The following EVI5 variants were observed in gnomAD, a reference collection of about 807,000 sequenced individuals.
The protein encoded by EVI5 is ecotropic viral integration site 5 protein homolog.
A neutral mutation model predicts 112.0 loss-of-function variants in EVI5; 73 were observed. That is an observed-to-expected ratio of 0.65 (90% CI 0.54 to 0.79). The LOEUF is 0.79. Ranked by LOEUF, EVI5 falls within the 30% of genes least tolerant of loss-of-function variation. The probability of loss-of-function intolerance (pLI) is 0.00; values close to 1 mark genes in which losing one functional copy is unlikely to be tolerated. For missense variants in EVI5, 900 were observed against 968.8 expected, an observed-to-expected ratio of 0.93 and a Z score of 0.94; for synonymous variants, 305 against 319.9, an observed-to-expected ratio of 0.95 and a Z score of 0.50.
At chr1:92,718,384 G>A (rs1674135124) in intron 2 of EVI5, among the ~76,000 whole-genome samples, 1 of 152,170 alleles carries the variant, frequency 6.6e-6, no homozygotes, top group South Asian at 2.1e-4. Flanking sequence ...TCAGGATTCA[G>A]AAACTCACTC....
intron 1 of EVI5, among the ~76,000 whole-genome samples, chr1:92,761,925 C>A (rs1681937021): frequency 6.6e-6 from 1 of 151,994 alleles, no homozygotes; most frequent in Non-Finnish European, 1.5e-5. Context: ...CAATGTCTTG[C>A]ATATTATAAG....
chr1:92,716,021 T>A (rs1248943630), intron 2 of EVI5, among the ~76,000 whole-genome samples: 2 of 152,130 alleles, frequency 1.3e-5, no homozygotes, highest in African/African-American at 2.4e-5. Flanking sequence ...AAACTCCACC[T>A]CTGGGGGGCA....
rs998502539 is a variant in EVI5, at chr1:92,509,242, T to C, written c.*4414A>G. The C allele has an allele frequency of 2.0e-5, 3 of 152,584 alleles. No homozygotes were observed. Among genetic ancestry groups the C allele is most frequent in the African/African-American group, 4.8e-5 (2 of 41,432 alleles). The allele number at this position is 152,584 out of a possible 1,614,324, so 9.5% of individuals were successfully genotyped here. On this transcript the variant is annotated 3_prime_UTR_variant, in exon 20 of 20. Coordinates refer to ENST00000684568, the MANE Select transcript of EVI5 (RefSeq NM_001350197.2). ...ATTTCTTACGATGTCAGAAATAATATACTTAAAAAGGTGTAGACCTTATTT... is the reference window on the plus strand; with the variant it reads ...ATTTCTTACGATGTCAGAAATAATACACTTAAAAAGGTGTAGACCTTATTT...
chr1:92,684,309 A>T (rs1668123164), intron 9 of EVI5, among the ~76,000 whole-genome samples: 1 of 152,218 alleles, frequency 6.6e-6, no homozygotes, highest in Non-Finnish European at 1.5e-5. Context: ...ACTAAGCTTC[A>T]GAAGTGAAGG....
chr1:92,611,008 T>C (rs1011807247), intron 16 of EVI5, among the ~76,000 whole-genome samples: 22 of 151,672 alleles, frequency 1.5e-4, no homozygotes, highest in Non-Finnish European at 2.8e-4. Flanking sequence ...GATGACGAGT[T>C]AGTGGGTGCA....
intron 18 of EVI5, among the ~76,000 whole-genome samples, chr1:92,590,832 T>A (rs1673718655): frequency 6.6e-6 from 1 of 151,964 alleles, no homozygotes; most frequent in African/African-American, 2.4e-5. Context: ...AAAGTTGAAA[T>A]GAAGGAAAAA....
At chr1:92,778,271 T>G (rs1684412658) in intron 1 of EVI5, among the ~76,000 whole-genome samples, 1 of 152,076 alleles carries the variant, frequency 6.6e-6, no homozygotes, top group South Asian at 2.1e-4. Flanking sequence ...ATGCCATAGA[T>G]TCCTCAAAAG....
chr1:92,647,700 C>G, intron 13 of EVI5: 2 of 258,134 alleles, frequency 7.7e-6, no homozygotes, highest in South Asian at 6.5e-5. Context: ...GTGAAGGGGG[C>G]AGGAAGGGTG....
intron 2 of EVI5, among the ~76,000 whole-genome samples, chr1:92,719,576 C>A (rs1422168573): frequency 1.3e-5 from 2 of 151,842 alleles, no homozygotes; most frequent in Non-Finnish European, 2.9e-5. Context: ...TATGACAAAC[C>A]CACAGCCAAT....
intron 2 of EVI5, 58 bp from the exon 3 acceptor site, chr1:92,704,802 A>G (rs2102557783): frequency 1.4e-6 from 1 of 728,604 alleles, no homozygotes; most frequent in Non-Finnish European, 2.2e-6. Flanking sequence ...TAGAAGAGGC[A>G]TTGATGATAC....
At chr1:92,719,758 C>T (rs1356086075) in intron 2 of EVI5, among the ~76,000 whole-genome samples, 2 of 151,932 alleles carry the variant, frequency 1.3e-5, no homozygotes, top group Non-Finnish European at 2.9e-5. Flanking sequence ...AGTCAAATTG[C>T]TCCTGTTTGC....
At chr1:92,581,922 T>A (rs747787323) in intron 18 of EVI5, among the ~76,000 whole-genome samples, 1 of 152,240 alleles carries the variant, frequency 6.6e-6, no homozygotes, top group Non-Finnish European at 1.5e-5. Context: ...ACCTGTGATA[T>A]GCCAGGCACC....
At chr1:92,598,257 TAGG>T (rs1648368060) in intron 18 of EVI5, among the ~76,000 whole-genome samples, 1 of 151,894 alleles carries the variant, frequency 6.6e-6, no homozygotes, top group South Asian at 2.1e-4. Flanking sequence ...GGGGGAAGCG[TAGG>T]AGGAGGGAGT....
intron 10 of EVI5, among the ~76,000 whole-genome samples, chr1:92,675,785 T>C (rs1226523201): frequency 1.3e-5 from 2 of 151,806 alleles, no homozygotes; most frequent in Non-Finnish European, 1.5e-5. Context: ...TGAAACCCCA[T>C]CTTTACTAAA....
At chr1:92,551,985 T>C (rs1162451689) in intron 19 of EVI5, among the ~76,000 whole-genome samples, 1 of 152,150 alleles carries the variant, frequency 6.6e-6, no homozygotes, top group Admixed American at 6.6e-5. Context: ...TACTGATAAG[T>C]ATTAATAAAC....
chr1:92,663,708 T>C lies in EVI5; in HGVS notation c.1213-256A>G, dbSNP rs1297450254. On this transcript the variant is annotated intron_variant, in intron 11 of 19. Transcript: ENST00000684568. The stretch of plus-strand genomic sequence containing the variant: ...AACACAAATTCCAAGTGGGTTTTCA[T>C]TACCTGGAACAAGCAAATTTTTTTG... Among the ~76,000 whole-genome samples the C allele has an allele frequency of 2.6e-5, 4 of 152,196 alleles. No individual in the cohort carries two copies. The East Asian group carries it at 7.7e-4, about 29-fold the overall frequency.
At chr1:92,788,627 C>G (rs1249935997), upstream of EVI5, among the ~76,000 whole-genome samples, 1 of 151,998 alleles carries the variant, frequency 6.6e-6, no homozygotes, top group African/African-American at 2.4e-5. Context: ...AACCCCATCT[C>G]TACTAAAAAT....
chr1:92,577,017 T>C (rs138532045), intron 18 of EVI5, among the ~76,000 whole-genome samples: 1 of 152,180 alleles, frequency 6.6e-6, no homozygotes, highest in Non-Finnish European at 1.5e-5. Flanking sequence ...CAAAAGGACA[T>C]GAAAAAAACC....
chr1:92,584,374 C>T (rs970947321), intron 18 of EVI5, among the ~76,000 whole-genome samples: 4 of 152,056 alleles, frequency 2.6e-5, no homozygotes, highest in East Asian at 1.9e-4. Flanking sequence ...ATATTTTCAA[C>T]GCACATATGA....
Sources: allele counts gnomAD v4.1 joint callset (sites outside exome capture counted in the v4.1 genomes callset), GRCh38; gene constraint gnomAD v4.1.1; transcripts MANE v1.5; gene names NCBI Gene and HGNC (gene_info 2026-07-23, HGNC 2026-07-21).